The following TMEM17 variants were observed in gnomAD, a reference collection of about 807,000 sequenced individuals.
TMEM17 encodes the protein transmembrane protein 17.
In TMEM17, 15 loss-of-function variants were observed where a neutral mutation model predicts 19.1. That is an observed-to-expected ratio of 0.78 (90% CI 0.52 to 1.21). The LOEUF is 1.21. Ranked by LOEUF, TMEM17 falls within the 50% of genes most tolerant of loss-of-function variation. The pLI is 0.00. For synonymous variants in TMEM17, 103 were observed against 86.9 expected (o/e 1.19, Z -1.03); for missense variants, 245 against 242.3 (o/e 1.01, Z -0.07).
chr2:62,468,434 A>G, the TMEM17 span, among the ~76,000 whole-genome samples: 1 of 152,232 alleles, frequency 6.6e-6, no homozygotes, highest in African/African-American at 2.4e-5. Flanking sequence ...AGTCCAAGGG[A>G]CAGTCATCTT....
intron 2 of TMEM17, 67 bp downstream of exon 2, chr2:62,502,624 A>G: frequency 6.8e-7 from 1 of 1,465,372 alleles, no homozygotes; most frequent in Non-Finnish European, 9.3e-7. Context: ...AAAAATTATT[A>G]AGAACTTGAA....
At chr2:62,484,922 G>A in the TMEM17 span, among the ~76,000 whole-genome samples, 6 of 152,146 alleles carry the variant, frequency 3.9e-5, no homozygotes, top group Non-Finnish European at 2.9e-5. Flanking sequence ...AGCAGTCATG[G>A]CTTTCCCAAC....
rs563329255 is a variant in TMEM17 at position 62,502,366 on chromosome 2, C to T, written c.318+71G>A. On this transcript the variant is annotated intron_variant, in intron 3 of 3. Coordinates refer to ENST00000335390, the MANE Select transcript of TMEM17 (RefSeq NM_198276.3). Reference sequence around the variant, plus strand: ...CCTGTGCTCTTTCTGCCACACCTCACTGCCTTTTACTTGTTATGAAAACTG... The same window carrying T: ...CCTGTGCTCTTTCTGCCACACCTCATTGCCTTTTACTTGTTATGAAAACTG... 7.5e-6 allele frequency: 8 copies of T among 1,063,392 alleles called. No individual in the cohort carries two copies. In the African/African-American group the frequency reaches 1.1e-4, roughly 15 times the overall value. The allele number at this position is 1,063,392 out of a possible 1,614,324, so 65.9% of individuals were successfully genotyped here.
At chr2:62,455,014 C>G in the TMEM17 span, among the ~76,000 whole-genome samples, 1 of 152,180 alleles carries the variant, frequency 6.6e-6, no homozygotes. Context: ...CGAGACCCAG[C>G]TTTATTGAAG....
At chr2:62,454,725 A>ATTTATTTAT in the TMEM17 span, among the ~76,000 whole-genome samples, 1 of 152,140 alleles carries the variant, frequency 6.6e-6, no homozygotes, top group African/African-American at 2.4e-5. Flanking sequence ...TTATTTTGAG[A>ATTTATTTAT]TGGAGTCTCA....
the TMEM17 span, among the ~76,000 whole-genome samples, chr2:62,478,658 A>G: frequency 6.6e-6 from 1 of 152,192 alleles, no homozygotes; most frequent in Admixed American, 6.5e-5. Context: ...CCAATGCTGG[A>G]TGAATAACAG....
chr2:62,480,915 T>C, the TMEM17 span, among the ~76,000 whole-genome samples: 1,592 of 144,226 alleles, frequency 0.011, 31 homozygotes, highest in African/African-American at 0.037. Context: ...TGTGGCTCCA[T>C]ACAAATTGTA....
chr2:62,461,220 C>T, the TMEM17 span, among the ~76,000 whole-genome samples: 1 of 152,196 alleles, frequency 6.6e-6, no homozygotes, highest in East Asian at 1.9e-4. Context: ...ACTCTGCTCC[C>T]TGATTACCAA....
Position 62,506,156 on chromosome 2 carries a change from C to G in TMEM17, c.-27G>C, listed in dbSNP as rs376023606. 1.6e-5 allele frequency: 25 copies of G among 1,580,096 alleles called. No individual in the cohort carries two copies. The African/African-American group carries it at 1.6e-4, about 10-fold the overall frequency. On this transcript the variant is annotated 5_prime_UTR_variant, in exon 1 of 4. Transcript: ENST00000335390. ...CCTGGGCCTCAGTATCCCTCACCCCCTCAGACACGGGCTAGTCTGCGGGCG... is the reference window on the plus strand; with the variant it reads ...CCTGGGCCTCAGTATCCCTCACCCCGTCAGACACGGGCTAGTCTGCGGGCG...
Position 62,500,867 on chromosome 2 carries a change from A to C in TMEM17, c.*342T>G, listed in dbSNP as rs2103727501. 1 of 187,636 alleles carries C rather than the reference A, an allele frequency of 5.3e-6. No individual in the cohort carries two copies. Among genetic ancestry groups the C allele is most frequent in the African/African-American group, 2.4e-5 (1 of 42,544 alleles). The allele number at this position is 187,636 out of a possible 1,614,324, so 11.6% of individuals were successfully genotyped here. ...CATGGATAACCAACAAGTTTTAAAGAAATGTATACATCTCTAGTTAAAGAT... is the reference window on the plus strand; with the variant it reads ...CATGGATAACCAACAAGTTTTAAAGCAATGTATACATCTCTAGTTAAAGAT... On this transcript the variant is annotated 3_prime_UTR_variant, in exon 4 of 4. Coordinates refer to ENST00000335390, the MANE Select transcript of TMEM17 (RefSeq NM_198276.3).
chr2:62,472,425 T>C, the TMEM17 span, among the ~76,000 whole-genome samples: 4 of 152,062 alleles, frequency 2.6e-5, no homozygotes, highest in Non-Finnish European at 5.9e-5. Flanking sequence ...GGAAGTAAAA[T>C]CGAGGGAGAG....
chr2:62,505,638 C>T (rs1262834063), intron 1 of TMEM17, among the ~76,000 whole-genome samples: 2 of 152,222 alleles, frequency 1.3e-5, no homozygotes, highest in Non-Finnish European at 2.9e-5. Flanking sequence ...GCGGGCGCCG[C>T]AGAGGCAAAA....
the TMEM17 span, among the ~76,000 whole-genome samples, chr2:62,467,882 CCTT>C: frequency 7.9e-6 from 1 of 127,214 alleles, no homozygotes; most frequent in Admixed American, 8.4e-5. Flanking sequence ...TGCCATCTCT[CCTT>C]TTTTTTTTTT....
downstream of TMEM17, among the ~76,000 whole-genome samples, chr2:62,498,721 T>G (rs4624365): frequency 2.2e-5 from 3 of 138,536 alleles, no homozygotes; most frequent in Admixed American, 2.2e-4. Flanking sequence ...GTCTCAAAAA[T>G]AAAATAAAAT....
rs1168524598 is a variant in TMEM17, at chr2:62,500,276, C to G, written c.*933G>C. 6.6e-6 allele frequency: 1 copy of G among 152,108 alleles called. No individual in the cohort carries two copies. Among genetic ancestry groups the G allele is most frequent in the South Asian group, 2.1e-4 (1 of 4,828 alleles). 9.4% of individuals were successfully genotyped at this position (152,108 alleles called of 1,614,324 possible). ...ATTGTAAAAGCATTTTGTATACCACCATTACAAATACTGAATATGGTTTTA... is the reference window on the plus strand; with the variant it reads ...ATTGTAAAAGCATTTTGTATACCACGATTACAAATACTGAATATGGTTTTA... On this transcript the variant is annotated 3_prime_UTR_variant, in exon 4 of 4. Coordinates refer to ENST00000335390, the MANE Select transcript of TMEM17 (RefSeq NM_198276.3).
At chr2:62,493,026 CGTTT>C in the TMEM17 span, among the ~76,000 whole-genome samples, 2 of 151,676 alleles carry the variant, frequency 1.3e-5, no homozygotes. Context: ...GAGAGTCCTT[CGTTT>C]GTTTGTTTGT....
At chr2:62,462,117 C>T in the TMEM17 span, among the ~76,000 whole-genome samples, 1 of 152,140 alleles carries the variant, frequency 6.6e-6, no homozygotes, top group African/African-American at 2.4e-5. Context: ...CATCCAGTAC[C>T]CCTCCGGTAG....
the TMEM17 span, among the ~76,000 whole-genome samples, chr2:62,454,306 C>T: frequency 1.3e-5 from 2 of 152,142 alleles, no homozygotes; most frequent in African/African-American, 4.8e-5. Context: ...AGATTCCATG[C>T]CTCCCTCGTG....
At chr2:62,457,206 C>T in the TMEM17 span, among the ~76,000 whole-genome samples, 1 of 152,242 alleles carries the variant, frequency 6.6e-6, no homozygotes, top group African/African-American at 2.4e-5. This position sits in a 1 kb window ranked among gnomAD's most constrained non-coding sequence, Gnocchi z 4.2. Context: ...GCCAAGCCCC[C>T]TGCCGTGCGG....
Sources: gnomAD v4.1 joint callset for allele counts (sites outside exome capture counted in the v4.1 genomes callset) on GRCh38, gnomAD v4.1.1 for gene constraint, Gnocchi (gnomAD v3.1) non-coding constraint, MANE v1.5 for transcripts, NCBI Gene and HGNC (gene_info 2026-07-23, HGNC 2026-07-21) for gene names.